Variants in CD46 observed in about 807,000 individuals in gnomAD.
CD46 encodes the protein membrane cofactor protein.
A neutral mutation model predicts 53.3 loss-of-function variants in CD46; 30 were observed. The ratio of observed to expected loss-of-function variants is 0.56; its 90% CI spans 0.42 to 0.76. CD46 has a LOEUF of 0.76. Ranked by LOEUF, CD46 falls within the 30% of genes least tolerant of loss-of-function variation. The pLI is 0.00. For missense variants in CD46, 409 were observed against 463.0 expected, an observed-to-expected ratio of 0.88 and a Z score of 1.07; for synonymous variants, 142 against 152.0, an observed-to-expected ratio of 0.93 and a Z score of 0.48.
Position 207,793,903 on chromosome 1 carries a change from A to G in CD46, c.*426A>G, listed in dbSNP as rs897888933. On this transcript the variant is annotated 3_prime_UTR_variant, in exon 13 of 13. Transcript: ENST00000367042. ...CAAAATTAGAGAAATATAGTTCACA[A>G]TGAAATTATATTTTCTTTGTAAAGA... 1.0e-5 allele frequency: 3 copies of G among 289,044 alleles called. No individual in the cohort carries two copies. The highest frequency in any genetic ancestry group is 2.2e-5 in the African/African-American group (1 of 46,328). 17.9% of individuals were successfully genotyped at this position (289,044 alleles called of 1,614,324 possible). A position where few individuals can be genotyped will look rare whatever the true frequency, so the allele number is the denominator to read the frequency against.
At chr1:207,778,819 A>T (rs1658409376) in intron 8 of CD46, among the ~76,000 whole-genome samples, 1 of 152,148 alleles carries the variant, frequency 6.6e-6, no homozygotes. Flanking sequence ...TAGTTCTGTG[A>T]AGAATGTCGT....
chr1:207,772,548 G>A (rs1401022691), intron 8 of CD46, among the ~76,000 whole-genome samples: 2 of 152,108 alleles, frequency 1.3e-5, no homozygotes, highest in Non-Finnish European at 2.9e-5. Flanking sequence ...GTCTTAAATA[G>A]CTCTTATTAT....
In CD46 at chr1:207,783,280, C is replaced by T. The variant is rs1395653138; in HGVS notation, c.944-12C>T. 1 of 1,413,686 alleles carries T rather than the reference C, an allele frequency of 7.1e-7. No individual in the cohort carries two copies. The highest frequency in any genetic ancestry group is 1.0e-6 in the Non-Finnish European group (1 of 1,001,814). 87.6% of individuals were successfully genotyped at this position (1,413,686 alleles called of 1,614,324 possible). ...TTTATTAATTTAATCTATATTTCTT[C>T]TTTTTTCCTAGGATATCCTAAACCT... On this transcript the variant is annotated splice_polypyrimidine_tract_variant and intron_variant, in intron 8 of 12. Coordinates refer to ENST00000367042, the MANE Select transcript of CD46 (RefSeq NM_172351.3).
chr1:207,764,703 ATT>A (rs1044102038), intron 5 of CD46, among the ~76,000 whole-genome samples: 2 of 152,230 alleles, frequency 1.3e-5, no homozygotes, highest in African/African-American at 4.8e-5. Context: ...ATGCCTACAA[ATT>A]TGACAACTGA....
At chr1:207,774,264 G>C (rs1267649881) in intron 8 of CD46, among the ~76,000 whole-genome samples, 1 of 151,482 alleles carries the variant, frequency 6.6e-6, no homozygotes, top group Non-Finnish European at 1.5e-5. Flanking sequence ...TTTATTTTGA[G>C]CCTATGTGCA....
At chr1:207,785,159 A>G (rs1659159234) in intron 10 of CD46, 53 bp downstream of exon 10, 3 of 1,337,592 alleles carry the variant, frequency 2.2e-6, no homozygotes, top group Non-Finnish European at 3.2e-6. Flanking sequence ...TTGTGAAGAC[A>G]TGCATTTTAA....
At chr1:207,757,718 C>G (rs1240869706) in intron 3 of CD46, 76 bp downstream of exon 3, 3 of 958,460 alleles carry the variant, frequency 3.1e-6, no homozygotes, top group South Asian at 1.4e-5. Context: ...TTAAGCATTC[C>G]TGTAAACTTA....
chr1:207,759,005 T>C (rs374503283), intron 3 of CD46, among the ~76,000 whole-genome samples: 33 of 152,332 alleles, frequency 2.2e-4, no homozygotes, highest in African/African-American at 7.2e-4. Context: ...AGGGAAGATT[T>C]CATTGAGTAT....
chr1:207,764,814 GT>G (rs1656660923), intron 5 of CD46, among the ~76,000 whole-genome samples: 1 of 152,262 alleles, frequency 6.6e-6, no homozygotes, highest in African/African-American at 2.4e-5. Flanking sequence ...AAAATTTGTA[GT>G]TAATAACCTA....
chr1:207,753,622 G>C, intron 1 of CD46, among the ~76,000 whole-genome samples: 1 of 152,012 alleles, frequency 6.6e-6, no homozygotes, highest in East Asian at 1.9e-4. Flanking sequence ...AGTGAGCTGT[G>C]ATCATGCCAC....
chr1:207,759,745 T>A (rs556687742), intron 4 of CD46, 21 bp downstream of exon 4: 42 of 1,448,296 alleles, frequency 2.9e-5, no homozygotes, highest in East Asian at 1.6e-4. Context: ...TCTTTTTTTT[T>A]AAATTTAGAC....
intron 8 of CD46, among the ~76,000 whole-genome samples, chr1:207,779,913 C>CTTTTTTTTTTT (rs66758503): frequency 4.0e-4 from 25 of 62,382 alleles, no homozygotes; most frequent in African/African-American, 8.8e-4. Context: ...AAAAGCAAGT[C>CTTTTTTTTTTT]TTTTTTTTTT....
In CD46 at chr1:207,752,586, T is replaced by C. The variant is rs1655043294; in HGVS notation, c.97+277T>C. Reference sequence around the variant, plus strand: ...AAAGCGTGAATCGTGTTTTCGGGATTGAGCCAGTCGGCCAGGGGAGCGCGG... The same window carrying C: ...AAAGCGTGAATCGTGTTTTCGGGATCGAGCCAGTCGGCCAGGGGAGCGCGG... On this transcript the variant is annotated intron_variant, in intron 1 of 12. Coordinates refer to ENST00000367042, the MANE Select transcript of CD46 (RefSeq NM_172351.3). This position sits in a 1 kb window ranked among gnomAD's most constrained non-coding sequence, Gnocchi z 4.1. 6.6e-6 allele frequency among the ~76,000 whole-genome samples: 1 copy of C among 152,224 alleles called. No individual in the cohort carries two copies. The highest frequency in any genetic ancestry group is 6.5e-5 in the Admixed American group (1 of 15,288).
At chr1:207,766,169 G>C (rs985839503) in intron 5 of CD46, among the ~76,000 whole-genome samples, 1 of 152,188 alleles carries the variant, frequency 6.6e-6, no homozygotes, top group Non-Finnish European at 1.5e-5. Flanking sequence ...ACTCACAAAA[G>C]AGCATGAGGA....
rs201380032 is a variant in CD46 at position 207,767,025 on chromosome 1, G to T, written c.686G>T (p.Arg229Leu). Residue 229 changes from arginine to leucine, a missense_variant, in exon 6 of 13, where the codon CGA becomes CTA. By Grantham distance (102) the Arg-to-Leu change is moderately radical. Transcript: ENST00000367042. ...AAPECKVVKCRFPVVENGKQI... is the reference protein window; with the variant it reads ...AAPECKVVKCLFPVVENGKQI... ...TCTAATTTTCCAGTGGTCAAATGTC[G>T]ATTTCCAGTAGTCGAAAATGGAAAA... 2 of 1,613,152 alleles carry T rather than the reference G, an allele frequency of 1.2e-6. No homozygotes were observed.
At chr1:207,787,351 C>T (rs1659364241) in intron 11 of CD46, among the ~76,000 whole-genome samples, 2 of 152,162 alleles carry the variant, frequency 1.3e-5, no homozygotes, top group African/African-American at 2.4e-5. Context: ...GGATTACAGG[C>T]ATGAGCCACC....
intron 3 of CD46, among the ~76,000 whole-genome samples, chr1:207,758,813 G>A (rs1484815943): frequency 6.6e-6 from 1 of 152,140 alleles, no homozygotes; most frequent in East Asian, 1.9e-4. Context: ...TAGGCACACC[G>A]AGGGATACCA....
At chr1:207,779,932 TACTGTAGTACTA>T (rs1658559340) in intron 8 of CD46, among the ~76,000 whole-genome samples, 19 of 143,244 alleles carry the variant, frequency 1.3e-4, no homozygotes, top group East Asian at 2.0e-4. Context: ...TTTTTTTTTT[TACTGTAGTACTA>T]TATGTTTTAA....
Position 207,752,416 on chromosome 1 carries a change from C to G in CD46, c.97+107C>G, listed in dbSNP as rs1655023009. On this transcript the variant is annotated intron_variant, in intron 1 of 12. Coordinates refer to ENST00000367042, the MANE Select transcript of CD46 (RefSeq NM_172351.3). This position sits in a 1 kb window ranked among gnomAD's most constrained non-coding sequence, Gnocchi z 4.1. ...ACAGCAGGCCGTGCCTGTTTGGGGA[C>G]AGGGTTCTCTGAGGGGTGCAGTGCT... 1 of 1,081,776 alleles carries G rather than the reference C, an allele frequency of 9.2e-7. No individual in the cohort carries two copies. Among genetic ancestry groups the G allele is most frequent in the Non-Finnish European group, 1.4e-6 (1 of 703,662 alleles). 67.0% of individuals were successfully genotyped at this position (1,081,776 alleles called of 1,614,324 possible). A position where few individuals can be genotyped will look rare whatever the true frequency, so the allele number is the denominator to read the frequency against.
Sources: allele counts gnomAD v4.1 joint callset (sites outside exome capture counted in the v4.1 genomes callset), GRCh38; gene constraint gnomAD v4.1.1; non-coding constraint Gnocchi (gnomAD v3.1); transcripts MANE v1.5; gene names NCBI Gene and HGNC (gene_info 2026-07-23, HGNC 2026-07-21).